The following SNRPG variants were observed in gnomAD, a reference collection of about 807,000 sequenced individuals.
The protein encoded by SNRPG is small nuclear ribonucleoprotein G.
SNRPG carries 3 observed loss-of-function variants against 13.9 expected under a neutral mutation model. The observed-to-expected ratio is 0.22, with a 90% CI of 0.10 to 0.56. The LOEUF is 0.56. Ranked by LOEUF, SNRPG falls within the 20% of genes least tolerant of loss-of-function variation. The pLI, the probability that SNRPG is intolerant of heterozygous loss-of-function variation, is 0.93. For synonymous variants in SNRPG, 29 were observed against 29.3 expected (o/e 0.99, Z 0.03); for missense variants, 34 against 96.1 (o/e 0.35, Z 2.70).
intron 3 of SNRPG, among the ~76,000 whole-genome samples, chr2:70,286,114 G>A (rs887614865): frequency 6.6e-6 from 1 of 152,146 alleles, no homozygotes; most frequent in Non-Finnish European, 1.5e-5. Context: ...TTTTTGTAGA[G>A]ATGAGGTCTC....
intron 2 of SNRPG, among the ~76,000 whole-genome samples, chr2:70,288,741 A>ATT (rs980467212): frequency 7.9e-5 from 12 of 152,228 alleles, no homozygotes; most frequent in Non-Finnish European, 1.2e-4. Context: ...AAGAAACAAG[A>ATT]TAACTGTTCC....
intron 1 of SNRPG, chr2:70,292,901 G>GAATTTGAGGAATTCAAATA: frequency 1.9e-6 from 1 of 522,792 alleles, no homozygotes; most frequent in Non-Finnish European, 3.4e-6. Context: ...GGAATTCAAA[G>GAATTTGAGGAATTCAAATA]CTTTACGTTG....
chr2:70,290,823 T>TAAAAAAA lies in SNRPG; in HGVS notation c.33-1458_33-1452dup, dbSNP rs57720967. ...CAACATGGAGAAAACCCGTCTCTAC[T>TAAAAAAA]AAAAAAAAAAAAAAAAAAAAAAAAA... is the stretch of plus-strand genomic sequence containing the variant. On this transcript the variant is annotated intron_variant, in intron 1 of 3. Coordinates refer to ENST00000272348, the MANE Select transcript of SNRPG (RefSeq NM_003096.4). Among the ~76,000 whole-genome samples the TAAAAAAA allele has an allele frequency of 2.0e-4, 5 of 25,284 alleles. 1 individual carries two copies. Among genetic ancestry groups the TAAAAAAA allele is most frequent in the Admixed American group, 1.5e-3 (2 of 1,344 alleles). The allele number at this position is 25,284 out of a possible 152,430, so 16.6% of individuals were successfully genotyped here.
intron 3 of SNRPG, 104 bp downstream of exon 3, chr2:70,287,964 C>G (rs1696984298): frequency 9.5e-7 from 1 of 1,056,942 alleles, no homozygotes; most frequent in Admixed American, 1.8e-5. Flanking sequence ...AAAGTCTAAT[C>G]TTGCCTGTTA....
At chr2:70,291,782 G>C (rs369359285) in intron 1 of SNRPG, among the ~76,000 whole-genome samples, 3 of 151,378 alleles carry the variant, frequency 2.0e-5, no homozygotes, top group East Asian at 3.9e-4. Context: ...ACTATGTTAT[G>C]AATCAGAAAG....
chr2:70,282,272 T>C (rs1270406893), intron 3 of SNRPG, among the ~76,000 whole-genome samples: 1 of 152,102 alleles, frequency 6.6e-6, no homozygotes, highest in Non-Finnish European at 1.5e-5. Context: ...CCTGACTCTA[T>C]GGGATCCAAA....
chr2:70,291,099 G>GT (rs1375686695), intron 1 of SNRPG, among the ~76,000 whole-genome samples: 1 of 148,116 alleles, frequency 6.8e-6, no homozygotes, highest in Non-Finnish European at 1.5e-5. Context: ...TACATAAAAC[G>GT]TATCAAATAT....
At chr2:70,293,378 C>G (rs1370185599) in intron 1 of SNRPG, 12 of 628,962 alleles carry the variant, frequency 1.9e-5, no homozygotes, top group Non-Finnish European at 3.4e-5. Flanking sequence ...ACCGCGGGAC[C>G]TGGAGACTAG....
intron 2 of SNRPG, 121 bp from the exon 3 acceptor site, chr2:70,288,313 T>C (rs975185772): frequency 2.6e-6 from 2 of 757,906 alleles, no homozygotes; most frequent in Non-Finnish European, 2.2e-6. Context: ...ATCCTTACTG[T>C]ATGACAAGAA....
intron 1 of SNRPG, chr2:70,292,911 G>A (rs1697138006): frequency 7.4e-6 from 4 of 537,884 alleles, no homozygotes; most frequent in Non-Finnish European, 1.3e-5. Context: ...GCTTTACGTT[G>A]AGTCCTACCT....
chr2:70,286,033 C>T (rs1696934587), intron 3 of SNRPG, among the ~76,000 whole-genome samples: 1 of 152,064 alleles, frequency 6.6e-6, no homozygotes, highest in Admixed American at 6.6e-5. Flanking sequence ...GCAGCTTTGA[C>T]TTCCTGCCTC....
At chr2:70,293,284 A>G (rs1574000162) in intron 1 of SNRPG, 19 of 691,576 alleles carry the variant, frequency 2.7e-5, no homozygotes, top group South Asian at 2.7e-4. Context: ...TATCTAGAAC[A>G]TGATACTATT....
At chr2:70,287,142 G>C in intron 3 of SNRPG, 1 of 585,982 alleles carries the variant, frequency 1.7e-6, no homozygotes. Flanking sequence ...ACAAACCTTG[G>C]AAAGAATGGT....
chr2:70,288,818 T>C (rs1471294582), intron 2 of SNRPG, among the ~76,000 whole-genome samples: 2 of 152,152 alleles, frequency 1.3e-5, no homozygotes, highest in Admixed American at 1.3e-4. Context: ...TTTGCCAAAG[T>C]GAGGAAGGGC....
intron 3 of SNRPG, among the ~76,000 whole-genome samples, chr2:70,285,887 T>C (rs1300679886): frequency 1.3e-5 from 2 of 152,232 alleles, no homozygotes; most frequent in East Asian, 3.9e-4. Context: ...AGAAGATAGT[T>C]GAGATTTATC....
chr2:70,285,829 T>C (rs1372996646), intron 3 of SNRPG, among the ~76,000 whole-genome samples: 2 of 152,124 alleles, frequency 1.3e-5, no homozygotes, highest in Admixed American at 1.3e-4. Flanking sequence ...TGTAACATAA[T>C]AAAAAGTAAG....
At chr2:70,292,010 C>G (rs1350433185) in intron 1 of SNRPG, among the ~76,000 whole-genome samples, 4 of 149,018 alleles carry the variant, frequency 2.7e-5, no homozygotes, top group African/African-American at 4.9e-5. Flanking sequence ...TGCAGTGGCG[C>G]GATCTCGGCT....
intron 2 of SNRPG, 23 bp downstream of exon 2, chr2:70,289,327 C>A (rs200284069): frequency 5.3e-5 from 72 of 1,363,166 alleles, no homozygotes; most frequent in East Asian, 2.0e-4. Context: ...TTAAAAAAAA[C>A]CCCAAAACAA....
At chr2:70,281,764 A>G (rs769951960) in intron 3 of SNRPG, 80 bp from the exon 4 acceptor site, 2 of 790,394 alleles carry the variant, frequency 2.5e-6, no homozygotes, top group African/African-American at 1.8e-5. Flanking sequence ...TTTTCACCAA[A>G]TCATTAATGG....
Sources: gnomAD v4.1 joint callset for allele counts (sites outside exome capture counted in the v4.1 genomes callset) on GRCh38, gnomAD v4.1.1 for gene constraint, MANE v1.5 for transcripts, NCBI Gene and HGNC (gene_info 2026-07-23, HGNC 2026-07-21) for gene names.